The following MYO18A variants were observed in gnomAD, a reference collection of about 807,000 sequenced individuals.
MYO18A encodes unconventional myosin-XVIIIa.
In MYO18A, 78 loss-of-function variants were observed where a neutral mutation model predicts 235.8. The ratio of observed to expected loss-of-function variants is 0.33; its 90% CI spans 0.28 to 0.40. MYO18A has a LOEUF of 0.40. MYO18A is among the 10% of genes least tolerant of loss of function. MYO18A has a pLI of 1.00. For synonymous variants in MYO18A, 977 were observed against 1,077.8 expected, an observed-to-expected ratio of 0.91 and a Z score of 1.83; for missense variants, 2,215 against 2,699.3, an observed-to-expected ratio of 0.82 and a Z score of 3.98.
rs945498705 is a variant in MYO18A, at chr17:29,140,078, G to A, written c.1000-17825C>T. 6.6e-6 allele frequency among the ~76,000 whole-genome samples: 1 copy of A among 152,144 alleles called. No homozygotes were observed. The highest frequency in any genetic ancestry group is 6.5e-5 in the Admixed American group (1 of 15,278). ...AGGAAACTGAGGTTCAGAAGACAGTGCCCCTCCAAAACTCCTGAAGTCATG... is the reference window on the plus strand; with the variant it reads ...AGGAAACTGAGGTTCAGAAGACAGTACCCCTCCAAAACTCCTGAAGTCATG... On this transcript the variant is annotated intron_variant, in intron 2 of 41. Coordinates refer to ENST00000527372, the MANE Select transcript of MYO18A (RefSeq NM_078471.4). This position sits in a 1 kb window ranked among gnomAD's most constrained non-coding sequence, Gnocchi z 4.2.
chr17:29,092,604 C>T lies in MYO18A; in HGVS notation c.5074-148G>A, dbSNP rs117322856. 9.2e-5 allele frequency: 74 copies of T among 806,022 alleles called. No individual in the cohort carries two copies. The East Asian group carries it at 1.3e-3, about 14-fold the overall frequency. 49.9% of individuals were successfully genotyped at this position (806,022 alleles called of 1,614,324 possible). A position where few individuals can be genotyped will look rare whatever the true frequency, so the allele number is the denominator to read the frequency against. On this transcript the variant is annotated intron_variant, in intron 33 of 41. Transcript: ENST00000527372. ...AGGGCCATGGCTGTGTGGTGGTGCA[C>T]GCGTGGGGATCTCCTCCCGTGACAT... is the stretch of plus-strand genomic sequence containing the variant.
chr17:29,097,029 G>T, intron 27 of MYO18A, 114 bp from the exon 28 acceptor site: 1 of 1,394,516 alleles, frequency 7.2e-7, no homozygotes, highest in South Asian at 1.4e-5. Context: ...GAGGAAGTCG[G>T]GTCTCCCAGG....
rs116825931 is a variant in MYO18A, at chr17:29,139,642, G to A, written c.1000-17389C>T. On this transcript the variant is annotated intron_variant, in intron 2 of 41. Transcript: ENST00000527372. ...CTGGGAGGGGTAGAGTCAGGGGAACGGGAAGGACTGGGAGCAGCTATGTCT... is the reference window on the plus strand; with the variant it reads ...CTGGGAGGGGTAGAGTCAGGGGAACAGGAAGGACTGGGAGCAGCTATGTCT... Among the ~76,000 whole-genome samples, 362 of 152,282 alleles carry A rather than the reference G, an allele frequency of 2.4e-3. 2 individuals are homozygous for A. The highest frequency in any genetic ancestry group is 7.8e-3 in the African/African-American group (323 of 41,564).
chr17:29,124,285 A>G (rs2067267950), intron 2 of MYO18A, among the ~76,000 whole-genome samples: 1 of 152,214 alleles, frequency 6.6e-6, no homozygotes, highest in Non-Finnish European at 1.5e-5. Context: ...TGGGCTGGGA[A>G]GAGGGCAGAG....
intron 40 of MYO18A, among the ~76,000 whole-genome samples, chr17:29,084,722 G>A (rs912941765): frequency 6.6e-6 from 1 of 151,724 alleles, no homozygotes; most frequent in Admixed American, 6.6e-5. Context: ...AGTCCTGTGC[G>A]CTGCCACCAG....
At chr17:29,159,478 CA>C (rs201756176) in intron 2 of MYO18A, among the ~76,000 whole-genome samples, 3 of 151,600 alleles carry the variant, frequency 2.0e-5, no homozygotes, top group Non-Finnish European at 4.4e-5. Flanking sequence ...ACAAAACAAA[CA>C]AAAAAAACAG....
chr17:29,119,200 C>T, intron 8 of MYO18A, 135 bp downstream of exon 8: 1 of 631,382 alleles, frequency 1.6e-6, no homozygotes. Context: ...GAGCCTAGCA[C>T]ATAGCAGACA....
At chr17:29,075,681 G>A (rs1241199248) in intron 41 of MYO18A, 1 of 164,946 alleles carries the variant, frequency 6.1e-6, no homozygotes, top group African/African-American at 2.4e-5. Flanking sequence ...TCACAGCACT[G>A]AACAGGGAAG....
intron 2 of MYO18A, among the ~76,000 whole-genome samples, chr17:29,159,835 G>C (rs562837156): frequency 3.3e-5 from 5 of 152,182 alleles, no homozygotes; most frequent in South Asian, 2.1e-4. Flanking sequence ...CCAGATGCAG[G>C]CAACCCTGAC....
rs2067704515 is a variant in MYO18A, at chr17:29,140,257, A to G, written c.1000-18004T>C. 3 of 1,030,278 alleles carry G rather than the reference A, an allele frequency of 2.9e-6. No individual in the cohort carries two copies. The highest frequency in any genetic ancestry group is 8.6e-5 in the Admixed American group (2 of 23,236). 63.8% of individuals were successfully genotyped at this position (1,030,278 alleles called of 1,614,324 possible). A position where few individuals can be genotyped will look rare whatever the true frequency, so the allele number is the denominator to read the frequency against. ...TTCAGCCACATCTGGGGAAATCACA[A>G]AAAGGTCCCTCCTTTCCTAAATGAG... On this transcript the variant is annotated intron_variant, in intron 2 of 41. Coordinates refer to ENST00000527372, the MANE Select transcript of MYO18A (RefSeq NM_078471.4). This position sits in a 1 kb window ranked among gnomAD's most constrained non-coding sequence, Gnocchi z 4.2.
chr17:29,152,652 G>A (rs1165797129), intron 2 of MYO18A, among the ~76,000 whole-genome samples: 1 of 152,168 alleles, frequency 6.6e-6, no homozygotes, highest in African/African-American at 2.4e-5. Context: ...ATTCCTGCGG[G>A]TACCAAGCTA....
chr17:29,137,625 G>A (rs1470476181), intron 2 of MYO18A, among the ~76,000 whole-genome samples: 1 of 152,168 alleles, frequency 6.6e-6, no homozygotes, highest in Non-Finnish European at 1.5e-5. Flanking sequence ...TTTTATAGAT[G>A]CACTCTATAT....
At chr17:29,175,489 G>A (rs2068503708) in intron 1 of MYO18A, among the ~76,000 whole-genome samples, 2 of 150,314 alleles carry the variant, frequency 1.3e-5, no homozygotes, top group Admixed American at 1.3e-4. Flanking sequence ...GCAGCCTCCT[G>A]AGTAGCTGGG....
chr17:29,096,546 C>T (rs1390703756), intron 28 of MYO18A, among the ~76,000 whole-genome samples: 1 of 152,210 alleles, frequency 6.6e-6, no homozygotes, highest in Non-Finnish European at 1.5e-5. Context: ...CCTCTGAAAG[C>T]AGAGGCCTGG....
chr17:29,170,753 C>T (rs2068383221), intron 1 of MYO18A, among the ~76,000 whole-genome samples: 1 of 152,248 alleles, frequency 6.6e-6, no homozygotes, highest in African/African-American at 2.4e-5. Flanking sequence ...AATCTGTCAA[C>T]TCAGCTGCTC....
At chr17:29,115,215 C>A in intron 13 of MYO18A, 116 bp from the exon 14 acceptor site, 1 of 1,421,704 alleles carries the variant, frequency 7.0e-7, no homozygotes. Flanking sequence ...GGAGGGCATG[C>A]TGGCCTTGCT....
chr17:29,109,946 C>T lies in MYO18A; in HGVS notation c.3243G>A (p.Glu1081=), dbSNP rs766143614. 13 of 1,606,846 alleles carry T rather than the reference C, an allele frequency of 8.1e-6. No homozygotes were observed. The highest frequency in any genetic ancestry group is 1.1e-5 in the Non-Finnish European group (13 of 1,177,030). Reference sequence around the variant, plus strand: ...GCACGTCGAGCTGCAGGAGCCCAGCCTCGCAGTGGTCTCCCGAGGGCAGGT... The same window carrying T: ...GCACGTCGAGCTGCAGGAGCCCAGCTTCGCAGTGGTCTCCCGAGGGCAGGT... ...ELDLPSGDHC[E]AGLLQLDVPL... is the part of the protein sequence containing the mutation. The change falls in exon 19 of 42, where the codon GAG becomes GAA. Residue 1081 remains glutamate, a synonymous_variant. Coordinates refer to ENST00000527372, the MANE Select transcript of MYO18A (RefSeq NM_078471.4). The surrounding 1 kb of genome is among the most constrained non-coding windows in gnomAD (Gnocchi z 4.1).
chr17:29,140,459 C>G lies in MYO18A; in HGVS notation c.1000-18206G>C, dbSNP rs559581636. On this transcript the variant is annotated intron_variant, in intron 2 of 41. Transcript: ENST00000527372. The surrounding 1 kb of genome is among the most constrained non-coding windows in gnomAD (Gnocchi z 4.2). ...CCCCGCCCAGTTCCCGCCCTCTCCC[C>G]GGCCCCTCCCGTCCCGAGCTGCCCA... The G allele has an allele frequency of 1.6e-6, 2 of 1,218,230 alleles. No individual in the cohort carries two copies. The highest frequency in any genetic ancestry group is 2.1e-6 in the Non-Finnish European group (2 of 953,176). 75.5% of individuals were successfully genotyped at this position (1,218,230 alleles called of 1,614,324 possible).
Position 29,119,386 on chromosome 17 carries a change from G to A in MYO18A, c.1778C>T (p.Ala593Val). The A allele has an allele frequency of 6.2e-7, 1 of 1,612,482 alleles. No homozygotes were observed. Among genetic ancestry groups the A allele is most frequent in the South Asian group, 1.1e-5 (1 of 90,750 alleles). ...CAGGTAGTAGAAGACGTTGAATGTGGCTTCACTGGCTGGGCGCCGAGCCAC... is the reference window on the plus strand; with the variant it reads ...CAGGTAGTAGAAGACGTTGAATGTGACTTCACTGGCTGGGCGCCGAGCCAC... ...LRVARRPASE[A>V]TFNVFYYLLA... is the part of the protein sequence containing the mutation. Residue 593 changes from alanine to valine, a missense_variant, in exon 8 of 42, where the codon GCC becomes GTC. Coordinates refer to ENST00000527372, the MANE Select transcript of MYO18A (RefSeq NM_078471.4).
Sources: gnomAD v4.1 joint callset for allele counts (sites outside exome capture counted in the v4.1 genomes callset) on GRCh38, gnomAD v4.1.1 for gene constraint, Gnocchi (gnomAD v3.1) non-coding constraint, MANE v1.5 for transcripts, NCBI Gene and HGNC (gene_info 2026-07-23, HGNC 2026-07-21) for gene names.